FAF1: variants seen among roughly 807,000 people sequenced by gnomAD.
FAF1 encodes the protein FAS-associated factor 1.
FAF1 carries 25 observed loss-of-function variants against 92.5 expected under a neutral mutation model. The observed-to-expected ratio is 0.27, with a 90% CI of 0.20 to 0.38. The LOEUF (loss-of-function observed/expected upper bound fraction) is 0.38, where lower values mean the gene tolerates loss of function less well. FAF1 is among the 10% of genes least tolerant of loss of function. The probability of loss-of-function intolerance (pLI) is 1.00; values close to 1 mark genes in which losing one functional copy is unlikely to be tolerated. For synonymous variants in FAF1, 234 were observed against 273.2 expected, an observed-to-expected ratio of 0.86 and a Z score of 1.42; for missense variants, 636 against 793.3, an observed-to-expected ratio of 0.80 and a Z score of 2.38.
chr1:50,870,602 A>G lies in FAF1; in HGVS notation c.46-12605T>C, dbSNP rs986156114. Among the ~76,000 whole-genome samples the G allele has an allele frequency of 3.3e-5, 5 of 152,324 alleles. No individual in the cohort carries two copies. In the East Asian group the frequency reaches 7.7e-4, roughly 23 times the overall value. ...TTCTTGCAATGTTTCAAACTTTTTC[A>G]CTATTATTATATATATTATGGTAAT... On this transcript the variant is annotated intron_variant, in intron 1 of 18. Transcript: ENST00000396153.
intron 6 of FAF1, among the ~76,000 whole-genome samples, chr1:50,707,516 T>C (rs921697993): frequency 6.6e-5 from 10 of 151,782 alleles, no homozygotes; most frequent in South Asian, 2.1e-4. Context: ...CCGGGTAACA[T>C]GGTGAAACCT....
chr1:50,939,544 C>T (rs779222629), intron 1 of FAF1, among the ~76,000 whole-genome samples: 4 of 152,160 alleles, frequency 2.6e-5, no homozygotes, highest in Non-Finnish European at 5.9e-5. Flanking sequence ...GGACTATGTA[C>T]TATGACCAGT....
intron 1 of FAF1, among the ~76,000 whole-genome samples, chr1:50,921,137 T>A (rs557647777): frequency 6.6e-6 from 1 of 152,338 alleles, no homozygotes; most frequent in East Asian, 1.9e-4. Flanking sequence ...AATTACCATA[T>A]GAGGTACACA....
At chr1:50,883,262 T>C (rs1471278558) in intron 1 of FAF1, among the ~76,000 whole-genome samples, 1 of 152,198 alleles carries the variant, frequency 6.6e-6, no homozygotes, top group African/African-American at 2.4e-5. Flanking sequence ...TACTGAATTA[T>C]AATACACTGA....
intron 13 of FAF1, among the ~76,000 whole-genome samples, chr1:50,549,384 C>T (rs560107456): frequency 3.3e-5 from 5 of 152,192 alleles, no homozygotes; most frequent in African/African-American, 4.8e-5. Flanking sequence ...TCATAGCTCA[C>T]GGAAGGCTTG....
intron 1 of FAF1, among the ~76,000 whole-genome samples, chr1:50,938,196 G>A (rs1174669970): frequency 6.6e-6 from 1 of 152,148 alleles, no homozygotes; most frequent in Non-Finnish European, 1.5e-5. Context: ...TATAGCAATT[G>A]TGGAAAATAA....
At chr1:50,951,047 A>G (rs944947699) in intron 1 of FAF1, among the ~76,000 whole-genome samples, 3 of 152,238 alleles carry the variant, frequency 2.0e-5, no homozygotes, top group African/African-American at 7.2e-5. Context: ...ACTGGCCAAC[A>G]TGGTGAAACC....
chr1:50,851,044 G>A (rs1644344357), intron 2 of FAF1, among the ~76,000 whole-genome samples: 1 of 150,502 alleles, frequency 6.6e-6, no homozygotes, highest in South Asian at 2.1e-4. Flanking sequence ...CAGTGCATCT[G>A]ATTGATATGA....
intron 6 of FAF1, among the ~76,000 whole-genome samples, chr1:50,729,056 A>G (rs866308991): frequency 9.5e-6 from 1 of 105,812 alleles, no homozygotes; most frequent in African/African-American, 4.5e-5. Context: ...ATATATATAT[A>G]TATTTTTTTT....
intron 1 of FAF1, among the ~76,000 whole-genome samples, chr1:50,903,770 C>T (rs952676748): frequency 2.0e-5 from 3 of 152,132 alleles, no homozygotes; most frequent in African/African-American, 7.2e-5. Context: ...TGAATTATCC[C>T]TGGCTCCCTT....
At chr1:50,466,169 T>C (rs897614127) in intron 18 of FAF1, among the ~76,000 whole-genome samples, 1 of 152,162 alleles carries the variant, frequency 6.6e-6, no homozygotes, top group Admixed American at 6.6e-5. Context: ...GGTTCAGTTG[T>C]AGAGGTAGTG....
intron 1 of FAF1, among the ~76,000 whole-genome samples, chr1:50,927,399 G>A (rs1223603141): frequency 1.3e-5 from 2 of 152,080 alleles, no homozygotes; most frequent in Admixed American, 1.3e-4. Flanking sequence ...TAGCCAACAT[G>A]TTGAAACCCC....
At chr1:50,862,029 TATGACAAA>T (rs1282235068) in intron 1 of FAF1, among the ~76,000 whole-genome samples, 4 of 151,368 alleles carry the variant, frequency 2.6e-5, no homozygotes, top group Non-Finnish European at 1.5e-5. Flanking sequence ...AGGAACCACT[TATGACAAA>T]GAAAACAAAG....
chr1:50,919,842 A>G (rs2124731427), intron 1 of FAF1, among the ~76,000 whole-genome samples: 2 of 152,310 alleles, frequency 1.3e-5, no homozygotes, highest in East Asian at 3.9e-4. Flanking sequence ...GTGATAAGTA[A>G]ACCATGTATG....
intron 6 of FAF1, among the ~76,000 whole-genome samples, chr1:50,708,390 A>T (rs1307778355): frequency 1.3e-5 from 2 of 152,176 alleles, no homozygotes; most frequent in Non-Finnish European, 2.9e-5. Flanking sequence ...GCCTAAGTAA[A>T]TAAGAGAATG....
intron 13 of FAF1, among the ~76,000 whole-genome samples, chr1:50,542,337 T>C (rs1648796164): frequency 6.6e-6 from 1 of 152,204 alleles, no homozygotes; most frequent in South Asian, 2.1e-4. Context: ...TACTTCACAG[T>C]ACAGATGTCA....
chr1:50,948,133 T>C (rs769734338), intron 1 of FAF1, among the ~76,000 whole-genome samples: 9 of 151,910 alleles, frequency 5.9e-5, no homozygotes, highest in Non-Finnish European at 1.2e-4. Flanking sequence ...AAGCAAAAGG[T>C]AGGAGGTGGT....
In FAF1 at chr1:50,491,701, A is replaced by C. The variant is rs564471907; in HGVS notation, c.1575+20T>G. ...TGAACAATTGAGTTCTTTATCCCAG[A>C]AGTACTTGACCAAGCCTACCTTTGC... On this transcript the variant is annotated intron_variant, in intron 16 of 18. Coordinates refer to ENST00000396153, the MANE Select transcript of FAF1 (RefSeq NM_007051.3). The C allele has an allele frequency of 6.4e-7, 1 of 1,567,792 alleles. No individual in the cohort carries two copies. The highest frequency in any genetic ancestry group is 2.2e-5 in the East Asian group (1 of 44,600).
intron 1 of FAF1, among the ~76,000 whole-genome samples, chr1:50,902,889 G>A (rs938291545): frequency 5.3e-5 from 8 of 152,044 alleles, no homozygotes; most frequent in African/African-American, 1.9e-4. Flanking sequence ...CCGAACTCAA[G>A]AATATTAATA....
Sources: allele counts gnomAD v4.1 joint callset (sites outside exome capture counted in the v4.1 genomes callset), GRCh38; gene constraint gnomAD v4.1.1; transcripts MANE v1.5; gene names NCBI Gene and HGNC (gene_info 2026-07-23, HGNC 2026-07-21).